LPP: variants seen among roughly 807,000 people sequenced by gnomAD.
The protein encoded by LPP is LIM domain containing preferred translocation partner in lipoma.
In LPP, 38 loss-of-function variants were observed where a neutral mutation model predicts 60.4. The ratio of observed to expected loss-of-function variants is 0.63; its 90% CI spans 0.49 to 0.83. LPP has a LOEUF of 0.83. LPP is among the 40% of genes least tolerant of loss of function. The pLI is 0.00. For synonymous variants in LPP, 328 were observed against 290.8 expected, an observed-to-expected ratio of 1.13 and a Z score of -1.30; for missense variants, 902 against 783.6, an observed-to-expected ratio of 1.15 and a Z score of -1.80.
chr3:188,271,732 T>A (rs6444273), intron 2 of LPP, among the ~76,000 whole-genome samples: 97,878 of 151,968 alleles, frequency 0.64, 31,871 homozygotes, highest in Middle Eastern at 0.74. Flanking sequence ...ACCAAAGTTG[T>A]CCTCTTCCCT....
chr3:188,543,148 A>T (rs2150402384), intron 6 of LPP, among the ~76,000 whole-genome samples: 2 of 152,206 alleles, frequency 1.3e-5, no homozygotes, highest in Admixed American at 1.3e-4. Flanking sequence ...TGTTAGTATG[A>T]TCGGAAATAG....
intron 6 of LPP, among the ~76,000 whole-genome samples, chr3:188,561,408 C>G (rs959129167): frequency 1.5e-4 from 23 of 152,004 alleles, no homozygotes; most frequent in African/African-American, 5.6e-4. Context: ...CTTGAATTTT[C>G]TCCTCTCTCC....
At chr3:188,308,651 A>G (rs1397975970) in intron 2 of LPP, among the ~76,000 whole-genome samples, 2 of 152,194 alleles carry the variant, frequency 1.3e-5, no homozygotes, top group Non-Finnish European at 2.9e-5. Context: ...CGATGAAGCA[A>G]CTAAGAGCCA....
At chr3:188,337,082 T>TA (rs1385441281) in intron 2 of LPP, among the ~76,000 whole-genome samples, 1 of 152,056 alleles carries the variant, frequency 6.6e-6, no homozygotes, top group East Asian at 1.9e-4. Flanking sequence ...AAAGGTAGAT[T>TA]AAGTGACTCT....
At chr3:188,644,035 A>T (rs1435384203) in intron 7 of LPP, among the ~76,000 whole-genome samples, 1 of 152,214 alleles carries the variant, frequency 6.6e-6, no homozygotes, top group Non-Finnish European at 1.5e-5. Flanking sequence ...AGTACTGGGA[A>T]AGAAAAACTA....
chr3:188,745,312 T>C (rs1376534190), intron 8 of LPP, among the ~76,000 whole-genome samples: 1 of 152,206 alleles, frequency 6.6e-6, no homozygotes, highest in East Asian at 1.9e-4. Context: ...TTTTAATGTT[T>C]ATGCCCTACA....
At chr3:188,566,504 G>A (rs1374622537) in intron 6 of LPP, among the ~76,000 whole-genome samples, 3 of 151,724 alleles carry the variant, frequency 2.0e-5, no homozygotes, top group Non-Finnish European at 4.4e-5. Flanking sequence ...GACTCTATTC[G>A]ATGATCAAGT....
Position 188,217,762 on chromosome 3 carries a change from G to T in LPP, c.-189-7643G>T, listed in dbSNP as rs150098896. ...AGGGGGTTGCCCAGATAAGCAGCTG[G>T]CGTTCCAAGACCAAAGAGTATCTGT... On this transcript the variant is annotated intron_variant, in intron 1 of 11. Coordinates refer to ENST00000617246, the MANE Select transcript of LPP (RefSeq NM_001375462.1). The surrounding 1 kb of genome is among the most constrained non-coding windows in gnomAD (Gnocchi z 4.0). Among the ~76,000 whole-genome samples, 5 of 152,118 alleles carry T rather than the reference G, an allele frequency of 3.3e-5. No homozygotes were observed. The highest frequency in any genetic ancestry group is 1.2e-4 in the African/African-American group (5 of 41,408).
chr3:188,818,712 G>T (rs1027857421), intron 9 of LPP, among the ~76,000 whole-genome samples: 1 of 151,990 alleles, frequency 6.6e-6, no homozygotes, highest in African/African-American at 2.4e-5. Flanking sequence ...GTGTAGCCTT[G>T]GGCAAATTGC....
intron 4 of LPP, among the ~76,000 whole-genome samples, chr3:188,476,983 G>A (rs1301546915): frequency 1.3e-5 from 2 of 152,144 alleles, no homozygotes; most frequent in Non-Finnish European, 2.9e-5. Context: ...CTGTAGAAAC[G>A]GGAGCAAAAT....
intron 2 of LPP, among the ~76,000 whole-genome samples, chr3:188,302,934 T>C (rs1359830948): frequency 6.6e-6 from 1 of 152,226 alleles, no homozygotes; most frequent in Non-Finnish European, 1.5e-5. Context: ...TTTGGCATAA[T>C]TAAGAATGGA....
At chr3:188,342,015 G>A (rs956995851) in intron 3 of LPP, among the ~76,000 whole-genome samples, 1 of 152,136 alleles carries the variant, frequency 6.6e-6, no homozygotes, top group Admixed American at 6.5e-5. Flanking sequence ...AAATGCAATG[G>A]AGTAGAATGT....
chr3:188,581,352 C>T (rs1291675407), intron 6 of LPP, among the ~76,000 whole-genome samples: 2 of 152,142 alleles, frequency 1.3e-5, no homozygotes, highest in African/African-American at 4.8e-5. Context: ...GGATAGGCTC[C>T]ACCAGTCTGC....
At chr3:188,735,404 G>A (rs56317823) in intron 8 of LPP, among the ~76,000 whole-genome samples, 10,429 of 151,462 alleles carry the variant, frequency 0.069, 361 homozygotes, top group African/African-American at 0.087. Context: ...TTTTTGAGAC[G>A]AAGTCTTGCT....
chr3:188,380,890 C>T (rs879220385), intron 3 of LPP, among the ~76,000 whole-genome samples: 2 of 152,200 alleles, frequency 1.3e-5, no homozygotes, highest in Non-Finnish European at 2.9e-5. Flanking sequence ...ACAGCCCATT[C>T]TCATGGATTA....
chr3:188,306,252 T>TTG (rs1553856148), intron 2 of LPP, among the ~76,000 whole-genome samples: 1 of 151,534 alleles, frequency 6.6e-6, no homozygotes, highest in Non-Finnish European at 1.5e-5. Context: ...AGCTAATTTT[T>TTG]TTTTTTTTGT....
intron 2 of LPP, among the ~76,000 whole-genome samples, 181 bp downstream of exon 2, chr3:188,225,708 A>T (rs1322403347): frequency 6.6e-6 from 1 of 152,238 alleles, no homozygotes; most frequent in African/African-American, 2.4e-5. Flanking sequence ...ATGGCAATAG[A>T]CAATATATAA....
At chr3:188,229,372 C>A (rs1411877660) in intron 2 of LPP, among the ~76,000 whole-genome samples, 1 of 152,184 alleles carries the variant, frequency 6.6e-6, no homozygotes, top group Non-Finnish European at 1.5e-5. Flanking sequence ...CAATTGCCGA[C>A]TGTCGCCAAG....
chr3:188,348,750 T>C (rs1765063679), intron 3 of LPP, among the ~76,000 whole-genome samples: 2 of 152,228 alleles, frequency 1.3e-5, no homozygotes, highest in Non-Finnish European at 2.9e-5. Context: ...GTAGTTCATA[T>C]GCTCATTAGT....
Sources: gnomAD v4.1 joint callset for allele counts (sites outside exome capture counted in the v4.1 genomes callset) on GRCh38, gnomAD v4.1.1 for gene constraint, Gnocchi (gnomAD v3.1) non-coding constraint, MANE v1.5 for transcripts, NCBI Gene and HGNC (gene_info 2026-07-23, HGNC 2026-07-21) for gene names.